The following PRRX2 variants were observed in gnomAD, a reference collection of about 807,000 sequenced individuals.
PRRX2 encodes the protein paired mesoderm homeobox protein 2.
In PRRX2, 11 loss-of-function variants were observed where a neutral mutation model predicts 18.0. The observed-to-expected ratio is 0.61, with a 90% confidence interval of 0.39 to 1.01. PRRX2 has a LOEUF of 1.01. Ranked by LOEUF, PRRX2 falls within the 50% of genes least tolerant of loss-of-function variation. PRRX2 has a pLI of 0.01. For missense variants in PRRX2, 387 were observed against 351.0 expected (o/e 1.10, Z -0.82); for synonymous variants, 177 against 154.8 (o/e 1.14, Z -1.06).
intron 1 of PRRX2, among the ~76,000 whole-genome samples, chr9:129,702,215 G>T (rs1189925808): frequency 6.6e-6 from 1 of 152,042 alleles, no homozygotes; most frequent in Non-Finnish European, 1.5e-5. Flanking sequence ...GGCTAACACG[G>T]TGAAACCCTG....
rs898945026 is a variant in PRRX2, at chr9:129,671,207, C to A, written c.259+5081C>A. ...CAGATGATCATGTCTCAGCAGGAGC[C>A]GGGGAGCAGGGAGGGAGGAGGAGTG... On this transcript the variant is annotated intron_variant, in intron 1 of 3. Coordinates refer to ENST00000372469, the MANE Select transcript of PRRX2 (RefSeq NM_016307.4). This position sits in a 1 kb window ranked among gnomAD's most constrained non-coding sequence, Gnocchi z 4.0. Among the ~76,000 whole-genome samples, 1 of 152,142 alleles carries A rather than the reference C, an allele frequency of 6.6e-6. No homozygotes were observed. The highest frequency in any genetic ancestry group is 6.5e-5 in the Admixed American group (1 of 15,272).
rs1190007807 is a variant in PRRX2 at position 129,715,481 on chromosome 9, C to A, written c.260-3750C>A. Reference sequence around the variant, plus strand: ...TGGCAGGCACCTGTAGTCCCAGCTACTTGGGAGGCTGAGGTGGGGGAATTG... The same window carrying A: ...TGGCAGGCACCTGTAGTCCCAGCTAATTGGGAGGCTGAGGTGGGGGAATTG... On this transcript the variant is annotated intron_variant, in intron 1 of 3. Coordinates refer to ENST00000372469, the MANE Select transcript of PRRX2 (RefSeq NM_016307.4). This position sits in a 1 kb window ranked among gnomAD's most constrained non-coding sequence, Gnocchi z 4.0. Among the ~76,000 whole-genome samples, 1 of 152,032 alleles carries A rather than the reference C, an allele frequency of 6.6e-6. No individual in the cohort carries two copies. Among genetic ancestry groups the A allele is most frequent in the East Asian group, 1.9e-4 (1 of 5,198 alleles).
At chr9:129,694,861 C>T (rs1832401088) in intron 1 of PRRX2, among the ~76,000 whole-genome samples, 1 of 152,104 alleles carries the variant, frequency 6.6e-6, no homozygotes, top group African/African-American at 2.4e-5. Flanking sequence ...TGATGTGTGC[C>T]ATGACCCTAG....
At position 129,684,458 on chromosome 9, in the gene PRRX2, A is replaced by C. The variant is rs3054791; in HGVS notation, c.259+18332A>C. 2.0e-3 allele frequency among the ~76,000 whole-genome samples: 241 copies of C among 118,674 alleles called. 3 individuals carry two copies. The East Asian group carries it at 0.028, about 14-fold the overall frequency. The allele number at this position is 118,674 out of a possible 152,430, so 77.9% of individuals were successfully genotyped here. A position where few individuals can be genotyped will look rare whatever the true frequency, so the allele number is the denominator to read the frequency against. On this transcript the variant is annotated intron_variant, in intron 1 of 3. Transcript: ENST00000372469. ...CACACACACACACACACACACACAC[A>C]CCCAACAGAAAAGATACCAGAAATC...
intron 1 of PRRX2, among the ~76,000 whole-genome samples, chr9:129,685,471 C>T (rs55999627): frequency 0.012 from 1,791 of 152,166 alleles, 32 homozygotes; most frequent in African/African-American, 0.041. Flanking sequence ...GGCTGTTGAT[C>T]CTCCCACCTC....
At chr9:129,721,098 C>T (rs1323917125) in intron 3 of PRRX2, among the ~76,000 whole-genome samples, 2 of 152,168 alleles carry the variant, frequency 1.3e-5, no homozygotes, top group South Asian at 2.1e-4. Flanking sequence ...TGAGTGTGTG[C>T]GTGAACACCT....
intron 1 of PRRX2, among the ~76,000 whole-genome samples, chr9:129,694,485 C>T (rs1832396975): frequency 6.6e-6 from 1 of 152,210 alleles, no homozygotes; most frequent in African/African-American, 2.4e-5. Flanking sequence ...GTGTCCAGCC[C>T]TTCAGAAGTC....
chr9:129,696,231 A>C (rs1451279937), intron 1 of PRRX2, among the ~76,000 whole-genome samples: 1 of 152,150 alleles, frequency 6.6e-6, no homozygotes, highest in Non-Finnish European at 1.5e-5. Flanking sequence ...CCCCCTTTTC[A>C]AAACGAAAAC....
At chr9:129,689,355 G>A (rs918142308) in intron 1 of PRRX2, among the ~76,000 whole-genome samples, 5 of 152,222 alleles carry the variant, frequency 3.3e-5, no homozygotes, top group African/African-American at 1.2e-4. Context: ...CCAGATTTCG[G>A]TGTGACCAGG....
chr9:129,674,339 T>C (rs906106009), intron 1 of PRRX2, among the ~76,000 whole-genome samples: 1 of 152,114 alleles, frequency 6.6e-6, no homozygotes. Context: ...CTGGAAGATA[T>C]TATTCTGGTT....
chr9:129,705,273 G>A (rs77493166), intron 1 of PRRX2, among the ~76,000 whole-genome samples: 4 of 152,128 alleles, frequency 2.6e-5, no homozygotes, highest in South Asian at 2.1e-4. Context: ...GCACCAAAAC[G>A]CAGGGGCTGA....
At chr9:129,707,485 T>C (rs1014387400) in intron 1 of PRRX2, among the ~76,000 whole-genome samples, 1 of 152,084 alleles carries the variant, frequency 6.6e-6, no homozygotes, top group Admixed American at 6.6e-5. Context: ...TTTTTGGCTA[T>C]TATAAATAAT....
At chr9:129,706,695 T>G (rs1007332363) in intron 1 of PRRX2, among the ~76,000 whole-genome samples, 1 of 152,174 alleles carries the variant, frequency 6.6e-6, no homozygotes, top group African/African-American at 2.4e-5. Context: ...AAAACTGCAC[T>G]CTAGCCTGAG....
Position 129,709,378 on chromosome 9 carries a change from G to A in PRRX2, c.260-9853G>A, listed in dbSNP as rs543656343. Among the ~76,000 whole-genome samples the A allele has an allele frequency of 1.3e-5, 2 of 152,162 alleles. No homozygotes were observed. Among genetic ancestry groups the A allele is most frequent in the Non-Finnish European group, 2.9e-5 (2 of 68,018 alleles). On this transcript the variant is annotated intron_variant, in intron 1 of 3. Coordinates refer to ENST00000372469, the MANE Select transcript of PRRX2 (RefSeq NM_016307.4). This position sits in a 1 kb window ranked among gnomAD's most constrained non-coding sequence, Gnocchi z 4.2. The stretch of plus-strand genomic sequence containing the variant: ...CTCTGCTGAGGTTTGTGGGGGACAT[G>A]AGGGAACCTCCTCCAGCCTCCTCCA...
intron 1 of PRRX2, among the ~76,000 whole-genome samples, chr9:129,686,674 G>A (rs1832303059): frequency 6.6e-6 from 1 of 152,186 alleles, no homozygotes; most frequent in African/African-American, 2.4e-5. Context: ...ACCACACACA[G>A]CTGACCCTCT....
intron 1 of PRRX2, among the ~76,000 whole-genome samples, chr9:129,667,271 C>G (rs1191178780): frequency 6.6e-6 from 1 of 152,226 alleles, no homozygotes; most frequent in Non-Finnish European, 1.5e-5. Flanking sequence ...GAGTGTGAAG[C>G]CAGCAGACCT....
At chr9:129,684,603 C>T (rs1832281335) in intron 1 of PRRX2, among the ~76,000 whole-genome samples, 1 of 152,050 alleles carries the variant, frequency 6.6e-6, no homozygotes, top group African/African-American at 2.4e-5. Context: ...TTACCCACTT[C>T]TGAACCAATC....
chr9:129,699,439 ATGTGTGTG>A (rs3138854), intron 1 of PRRX2, among the ~76,000 whole-genome samples: 11 of 145,500 alleles, frequency 7.6e-5, no homozygotes, highest in Non-Finnish European at 1.2e-4. Flanking sequence ...AAATATATAT[ATGTGTGTG>A]TGTGTGTGTG....
chr9:129,684,847 G>C (rs1832284325), intron 1 of PRRX2, among the ~76,000 whole-genome samples: 1 of 152,226 alleles, frequency 6.6e-6, no homozygotes, highest in Non-Finnish European at 1.5e-5. Context: ...AATTGTGCTT[G>C]CTTTATAGAC....
Sources: allele counts gnomAD v4.1 joint callset (sites outside exome capture counted in the v4.1 genomes callset), GRCh38; gene constraint gnomAD v4.1.1; non-coding constraint Gnocchi (gnomAD v3.1); transcripts MANE v1.5; gene names NCBI Gene and HGNC (gene_info 2026-07-23, HGNC 2026-07-21).